PHIP: variants seen among roughly 807,000 people sequenced by gnomAD.
The protein encoded by PHIP is PH-interacting protein.
In PHIP, 54 loss-of-function variants were observed where a neutral mutation model predicts 236.8. That is an observed-to-expected ratio of 0.23 (90% CI 0.18 to 0.29). The LOEUF is 0.29. Among genes scored for constraint, PHIP ranks in the 10% least tolerant of loss-of-function variants. The probability of loss-of-function intolerance (pLI) is 1.00; values close to 1 mark genes in which losing one functional copy is unlikely to be tolerated. For synonymous variants in PHIP, 756 were observed against 718.9 expected, an observed-to-expected ratio of 1.05 and a Z score of -0.83; for missense variants, 1,370 against 2,190.8, an observed-to-expected ratio of 0.63 and a Z score of 7.48.
intron 17 of PHIP, among the ~76,000 whole-genome samples, chr6:79,000,157 T>C (rs1169669031): frequency 1.3e-5 from 2 of 152,074 alleles, no homozygotes; most frequent in Admixed American, 6.6e-5. Context: ...TTTGTTCTGT[T>C]TTTGTATTAA....
Position 78,941,281 on chromosome 6 carries a change from G to A in PHIP, c.4878C>T (p.Gly1626=), listed in dbSNP as rs376778189. The change falls in exon 40 of 40, where the codon GGC becomes GGT. Residue 1626 remains glycine, a synonymous_variant. Coordinates refer to ENST00000275034, the MANE Select transcript of PHIP (RefSeq NM_017934.7). ...CAAGTTTTGATGGCTGTCCTCCATG[G>A]CCATTTACTTGAATGGTTCCTGGTA... ...ALVPGTIQVN[G]HGGQPSKLVK... The A allele has an allele frequency of 4.5e-5, 73 of 1,612,916 alleles. No individual in the cohort carries two copies. Among genetic ancestry groups the A allele is most frequent in the Non-Finnish European group, 5.9e-5 (70 of 1,179,078 alleles).
intron 10 of PHIP, among the ~76,000 whole-genome samples, chr6:79,018,618 C>T (rs1015767393): frequency 6.6e-6 from 1 of 151,882 alleles, no homozygotes; most frequent in Non-Finnish European, 1.5e-5. Flanking sequence ...GAATTGGAAT[C>T]TTAGCACTGC....
At chr6:79,073,644 G>T (rs1377892136) in intron 4 of PHIP, among the ~76,000 whole-genome samples, 1 of 151,398 alleles carries the variant, frequency 6.6e-6, no homozygotes, top group Non-Finnish European at 1.5e-5. Flanking sequence ...CTAAATAAAT[G>T]TATACCTAAG....
chr6:78,947,048 A>G (rs1024670435), intron 36 of PHIP, among the ~76,000 whole-genome samples, 174 bp from the exon 37 acceptor site: 8 of 152,162 alleles, frequency 5.3e-5, no homozygotes, highest in Non-Finnish European at 1.2e-4. Context: ...CATTTTAACA[A>G]TTATGTATTT....
intron 24 of PHIP, among the ~76,000 whole-genome samples, chr6:78,971,242 C>T (rs1767526564): frequency 6.6e-6 from 1 of 152,150 alleles, no homozygotes; most frequent in Admixed American, 6.5e-5. Flanking sequence ...GTAGTTTGTA[C>T]ATATGCAGAA....
At chr6:78,966,133 T>A in intron 27 of PHIP, 77 bp from the exon 28 acceptor site, 3 of 871,158 alleles carry the variant, frequency 3.4e-6, no homozygotes, top group Non-Finnish European at 5.9e-6. Flanking sequence ...CGTTAACCTT[T>A]AAGTACCTAA....
At chr6:78,969,453 T>C (rs1241949000) in intron 27 of PHIP, among the ~76,000 whole-genome samples, 1 of 152,222 alleles carries the variant, frequency 6.6e-6, no homozygotes, top group Non-Finnish European at 1.5e-5. Context: ...TTAAAGATTA[T>C]AATAGGATTA....
intron 15 of PHIP, among the ~76,000 whole-genome samples, chr6:79,014,781 A>C (rs964693379): frequency 6.6e-6 from 1 of 151,824 alleles, no homozygotes; most frequent in Non-Finnish European, 1.5e-5. Flanking sequence ...ATGGTTTTCC[A>C]AGTATTTTTT....
chr6:79,015,548 A>G (rs1220770954), intron 14 of PHIP, 82 bp downstream of exon 14: 3 of 1,079,030 alleles, frequency 2.8e-6, no homozygotes, highest in Non-Finnish European at 4.0e-6. Context: ...AGCTAACATA[A>G]AAGACTTTAT....
At chr6:79,061,844 G>T (rs1353529804) in intron 4 of PHIP, among the ~76,000 whole-genome samples, 2 of 151,252 alleles carry the variant, frequency 1.3e-5, no homozygotes, top group Non-Finnish European at 3.0e-5. Flanking sequence ...ACTGATGTGG[G>T]GGGAGGTGAG....
At position 79,030,940 on chromosome 6, in the gene PHIP, T is replaced by A. The variant is rs150364327; in HGVS notation, c.601-4776A>T. 1.8e-3 allele frequency among the ~76,000 whole-genome samples: 266 copies of A among 149,558 alleles called. 1 individual carries two copies. The highest frequency in any genetic ancestry group is 6.4e-3 in the African/African-American group (252 of 39,660). On this transcript the variant is annotated intron_variant, in intron 7 of 39. Transcript: ENST00000275034. ...TTCATTTTTCTTTCTTGTTTTTTTT[T>A]GTTTGTTTGTTTGTTTGTTTTGAGA...
At chr6:79,072,586 C>T (rs1003619539) in intron 4 of PHIP, among the ~76,000 whole-genome samples, 3 of 152,012 alleles carry the variant, frequency 2.0e-5, no homozygotes, top group Non-Finnish European at 4.4e-5. Context: ...TGGGCTCAGG[C>T]GATCCTCTCA....
At chr6:78,987,150 T>G (rs987295198) in intron 21 of PHIP, among the ~76,000 whole-genome samples, 2 of 152,124 alleles carry the variant, frequency 1.3e-5, no homozygotes, top group East Asian at 3.8e-4. Flanking sequence ...AAGGACTTGT[T>G]GTAACAGATG....
intron 7 of PHIP, among the ~76,000 whole-genome samples, chr6:79,026,786 A>ACATT (rs1244640729): frequency 4.6e-5 from 7 of 151,934 alleles, no homozygotes; most frequent in Non-Finnish European, 1.0e-4. Context: ...TTACAAATGA[A>ACATT]CATTCCCATT....
intron 6 of PHIP, among the ~76,000 whole-genome samples, chr6:79,045,413 AT>A (rs1014434257): frequency 2.0e-5 from 3 of 151,408 alleles, no homozygotes; most frequent in East Asian, 1.9e-4. Flanking sequence ...ATGAACTCCC[AT>A]TTTTTTATAA....
intron 15 of PHIP, among the ~76,000 whole-genome samples, chr6:79,004,950 A>T (rs989722828): frequency 6.6e-6 from 1 of 152,106 alleles, no homozygotes; most frequent in African/African-American, 2.4e-5. Flanking sequence ...TATAAAAGAA[A>T]GGACTTTACC....
At chr6:79,071,841 G>A (rs561802842) in intron 4 of PHIP, among the ~76,000 whole-genome samples, 2 of 151,988 alleles carry the variant, frequency 1.3e-5, no homozygotes, top group African/African-American at 4.8e-5. Flanking sequence ...CACAAAACTT[G>A]AGAAAGGGAA....
chr6:78,942,751 A>C (rs556863966), intron 39 of PHIP, among the ~76,000 whole-genome samples: 2 of 152,348 alleles, frequency 1.3e-5, no homozygotes, highest in African/African-American at 2.4e-5. Flanking sequence ...TATCCAGTAC[A>C]TGTACCTACT....
chr6:78,962,824 T>C (rs1766870533), intron 30 of PHIP, among the ~76,000 whole-genome samples: 1 of 152,138 alleles, frequency 6.6e-6, no homozygotes, highest in Admixed American at 6.5e-5. Flanking sequence ...GTGTTTTAAA[T>C]TGGGTTGTGG....
Sources: allele counts gnomAD v4.1 joint callset (sites outside exome capture counted in the v4.1 genomes callset), GRCh38; gene constraint gnomAD v4.1.1; transcripts MANE v1.5; gene names NCBI Gene and HGNC (gene_info 2026-07-23, HGNC 2026-07-21).